ANK2: variants seen among roughly 807,000 people sequenced by gnomAD.
ANK2 encodes the protein ankyrin 2, also known as ankyrin-2.
A neutral mutation model predicts 360.5 loss-of-function variants in ANK2; 83 were observed. The ratio of observed to expected loss-of-function variants is 0.23; its 90% CI spans 0.19 to 0.28. The LOEUF is 0.28. Ranked by LOEUF, ANK2 falls within the 10% of genes least tolerant of loss-of-function variation. The pLI is 1.00. For missense variants in ANK2, 4,201 were observed against 4,795.7 expected (o/e 0.88, Z 3.66); for synonymous variants, 1,740 against 1,759.5 (o/e 0.99, Z 0.28).
the ANK2 span, among the ~76,000 whole-genome samples, chr4:112,796,579 G>T: frequency 2.0e-5 from 3 of 151,294 alleles, no homozygotes; most frequent in East Asian, 5.8e-4. Context: ...CGAACTTCTG[G>T]CCTCAAGCAA....
intron 1 of ANK2, among the ~76,000 whole-genome samples, chr4:113,121,303 G>A (rs6833649): frequency 0.17 from 25,365 of 152,060 alleles, 2,165 homozygotes; most frequent in African/African-American, 0.18. Flanking sequence ...TGGCTCTAAA[G>A]TTCATTGGAG....
At position 113,361,826 on chromosome 4, in the gene ANK2, T is replaced by C. The variant is rs114250308; in HGVS notation, c.10756+929T>C. Among the ~76,000 whole-genome samples, 916 of 152,226 alleles carry C rather than the reference T, an allele frequency of 6.0e-3. 14 individuals carry two copies. The highest frequency in any genetic ancestry group is 0.021 in the African/African-American group (870 of 41,564). ...ACTTACTAGATAACATTCAGAATTA[T>C]TTATTTTGGTTTTTAAATATGTTTG... On this transcript the variant is annotated intron_variant, in intron 39 of 45. Coordinates refer to ENST00000357077, the MANE Select transcript of ANK2 (RefSeq NM_001148.6).
the ANK2 span, among the ~76,000 whole-genome samples, chr4:112,717,131 A>G: frequency 6.6e-6 from 1 of 152,176 alleles, no homozygotes; most frequent in Non-Finnish European, 1.5e-5. Flanking sequence ...TTTATAATGA[A>G]TGGTATCTTG....
chr4:112,849,106 A>G (rs949420214), intron 1 of ANK2, among the ~76,000 whole-genome samples: 2 of 152,256 alleles, frequency 1.3e-5, no homozygotes, highest in Admixed American at 6.5e-5. Context: ...GGCCAAAGTT[A>G]AAGTGGGGCA....
the ANK2 span, among the ~76,000 whole-genome samples, chr4:112,760,501 C>CT: frequency 0.021 from 3,069 of 146,152 alleles, 109 homozygotes; most frequent in African/African-American, 0.072. Context: ...ATTCCATATT[C>CT]TTTTTTTTTT....
At chr4:112,976,872 C>T (rs2041610064) in intron 2 of ANK2, among the ~76,000 whole-genome samples, 1 of 152,164 alleles carries the variant, frequency 6.6e-6, no homozygotes, top group Non-Finnish European at 1.5e-5. Flanking sequence ...TGTTTATATC[C>T]TCCTTGGACT....
intron 2 of ANK2, among the ~76,000 whole-genome samples, chr4:113,016,040 CT>C (rs1295345478): frequency 6.8e-6 from 1 of 146,634 alleles, no homozygotes; most frequent in African/African-American, 2.5e-5. Context: ...TTTTTTTTTT[CT>C]TGGGATAGGG....
chr4:112,837,428 T>G (rs1453352663), intron 1 of ANK2, among the ~76,000 whole-genome samples: 1 of 152,196 alleles, frequency 6.6e-6, no homozygotes, highest in East Asian at 1.9e-4. Flanking sequence ...AGAAGGGAAA[T>G]GTGGGTTTGG....
At chr4:112,880,770 C>G (rs757529969) in intron 1 of ANK2, 7 of 152,092 alleles carry the variant, frequency 4.6e-5, no homozygotes, top group Non-Finnish European at 8.8e-5. Context: ...TTATTTAGAC[C>G]AGGGGTTGGT....
chr4:113,167,691 G>A (rs558831408), intron 1 of ANK2, among the ~76,000 whole-genome samples: 72 of 152,232 alleles, frequency 4.7e-4, no homozygotes, highest in Admixed American at 3.7e-3. Flanking sequence ...TGATATGTAG[G>A]AAGTGTACAT....
At chr4:113,258,847 A>T (rs1362580198) in intron 13 of ANK2, among the ~76,000 whole-genome samples, 3 of 152,226 alleles carry the variant, frequency 2.0e-5, no homozygotes, top group Non-Finnish European at 2.9e-5. Context: ...TTAACAAAAG[A>T]TTAACCAGAG....
chr4:112,804,924 T>C, the ANK2 span, among the ~76,000 whole-genome samples: 1 of 151,810 alleles, frequency 6.6e-6, no homozygotes, highest in Non-Finnish European at 1.5e-5. Flanking sequence ...ATTGTGCCAC[T>C]GCACTCTAGC....
chr4:112,868,228 G>T (rs945643426), intron 1 of ANK2, among the ~76,000 whole-genome samples: 9 of 152,150 alleles, frequency 5.9e-5, no homozygotes, highest in African/African-American at 2.2e-4. Context: ...GTCTTAGTCT[G>T]TATTGCAATG....
chr4:112,940,845 CACAGCCGA>C (rs1554008068), intron 2 of ANK2, among the ~76,000 whole-genome samples: 1 of 152,070 alleles, frequency 6.6e-6, no homozygotes, highest in Non-Finnish European at 1.5e-5. Context: ...TTGATGAAAG[CACAGCCGA>C]ACAGGGATTC....
the ANK2 span, among the ~76,000 whole-genome samples, chr4:112,733,448 G>A: frequency 1.3e-5 from 2 of 152,116 alleles, no homozygotes; most frequent in African/African-American, 2.4e-5. Flanking sequence ...TAGTGACAAA[G>A]CATTAGTTCA....
intron 1 of ANK2, among the ~76,000 whole-genome samples, chr4:113,053,521 G>A (rs1168698204): frequency 6.6e-6 from 1 of 152,290 alleles, no homozygotes; most frequent in East Asian, 1.9e-4. Flanking sequence ...CTAAAAAGAA[G>A]CATTGGTAGC....
intron 10 of ANK2, among the ~76,000 whole-genome samples, chr4:113,251,584 A>G (rs576369402): frequency 2.5e-4 from 36 of 142,778 alleles, no homozygotes; most frequent in Admixed American, 3.8e-4. Flanking sequence ...CTGGGTTCAC[A>G]CCATTCTCTT....
At chr4:112,873,822 G>A (rs1020505097) in intron 1 of ANK2, among the ~76,000 whole-genome samples, 1 of 151,860 alleles carries the variant, frequency 6.6e-6, no homozygotes, top group South Asian at 2.1e-4. Flanking sequence ...GATTACAGGC[G>A]TGAGCCACCA....
At chr4:113,196,329 T>G (rs767693568) in intron 2 of ANK2, 39 bp from the exon 3 acceptor site, 1 of 1,528,508 alleles carries the variant, frequency 6.5e-7, no homozygotes, top group Admixed American at 1.7e-5. Flanking sequence ...TTTTCCTCAT[T>G]ACTTCACTTC....
Sources: gnomAD v4.1 joint callset for allele counts (sites outside exome capture counted in the v4.1 genomes callset) on GRCh38, gnomAD v4.1.1 for gene constraint, MANE v1.5 for transcripts, NCBI Gene and HGNC (gene_info 2026-07-23, HGNC 2026-07-21) for gene names.